Variants in FGF12 observed in about 807,000 individuals in gnomAD.
The protein encoded by FGF12 is fibroblast growth factor 12B.
A neutral mutation model predicts 23.6 loss-of-function variants in FGF12; 14 were observed. That is an observed-to-expected ratio of 0.59 (90% CI 0.39 to 0.93). The LOEUF (loss-of-function observed/expected upper bound fraction) is 0.93. FGF12 is among the 40% of genes least tolerant of loss of function. The pLI, the probability that FGF12 is intolerant of heterozygous loss-of-function variation, is 0.00. For synonymous variants in FGF12, 62 were observed against 77.3 expected (o/e 0.80, Z 1.04); for missense variants, 175 against 217.8 (o/e 0.80, Z 1.24).
At chr3:192,550,890 A>G (rs1477273521) in intron 2 of FGF12, among the ~76,000 whole-genome samples, 1 of 152,208 alleles carries the variant, frequency 6.6e-6, no homozygotes, top group Admixed American at 6.5e-5. Flanking sequence ...CTTTACAAAA[A>G]GCAAAATTAT....
At chr3:192,726,880 A>G in intron 2 of FGF12, 1 of 474,220 alleles carries the variant, frequency 2.1e-6, no homozygotes, top group South Asian at 4.1e-5. Context: ...ATATTGCTTT[A>G]CTAACACATA....
chr3:192,317,382 A>T (rs1560066946), intron 4 of FGF12, among the ~76,000 whole-genome samples: 1 of 151,870 alleles, frequency 6.6e-6, no homozygotes, highest in East Asian at 1.9e-4. Context: ...AGCCCTGGCA[A>T]CGTTCACCAC....
chr3:192,335,290 G>C, intron 4 of FGF12, 71 bp downstream of exon 4: 2 of 977,324 alleles, frequency 2.0e-6, no homozygotes, highest in East Asian at 2.5e-5. Context: ...TGCCTAACAT[G>C]ATGGTTACTC....
chr3:192,598,688 A>G (rs1389913543), intron 2 of FGF12, among the ~76,000 whole-genome samples: 2 of 152,212 alleles, frequency 1.3e-5, no homozygotes, highest in Admixed American at 6.6e-5. Context: ...ATAACCCTAG[A>G]GCACATGGCA....
At chr3:192,407,512 G>T in intron 2 of FGF12, among the ~76,000 whole-genome samples, 1 of 152,200 alleles carries the variant, frequency 6.6e-6, no homozygotes, top group East Asian at 1.9e-4. Flanking sequence ...TGGAGGAAGA[G>T]TTGGAAAAAT....
At chr3:192,300,143 A>C (rs1715258689) in intron 4 of FGF12, among the ~76,000 whole-genome samples, 1 of 152,170 alleles carries the variant, frequency 6.6e-6, no homozygotes, top group African/African-American at 2.4e-5. Context: ...TCAGGAAGAC[A>C]CTGGTATCGC....
At chr3:192,163,149 T>C (rs1714972321) in intron 5 of FGF12, among the ~76,000 whole-genome samples, 1 of 152,142 alleles carries the variant, frequency 6.6e-6, no homozygotes, top group African/African-American at 2.4e-5. Flanking sequence ...GCCTATGGAG[T>C]AGCCATTCTT....
intron 2 of FGF12, among the ~76,000 whole-genome samples, chr3:192,464,230 C>A (rs1027986568): frequency 6.6e-6 from 1 of 152,052 alleles, no homozygotes; most frequent in African/African-American, 2.4e-5. Context: ...ATTTGGTGCA[C>A]CCATCACCCA....
chr3:192,141,700 A>T lies in FGF12; in HGVS notation c.*2309T>A, dbSNP rs905897062. 10 of 152,020 alleles carry T rather than the reference A, an allele frequency of 6.6e-5. No homozygotes were observed. Among genetic ancestry groups the T allele is most frequent in the African/African-American group, 1.7e-4 (7 of 41,432 alleles). 9.4% of individuals were successfully genotyped at this position (152,020 alleles called of 1,614,324 possible). ...GATTCATATCTCTATTTTTTTCATA[A>T]CAAACTTAATTAAATATATTTTGTC... On this transcript the variant is annotated 3_prime_UTR_variant, in exon 6 of 6. Coordinates refer to ENST00000445105, the MANE Select transcript of FGF12 (RefSeq NM_004113.6).
At chr3:192,442,538 T>G (rs1722230363) in intron 2 of FGF12, among the ~76,000 whole-genome samples, 1 of 152,220 alleles carries the variant, frequency 6.6e-6, no homozygotes, top group Non-Finnish European at 1.5e-5. Flanking sequence ...AAGTTACAGA[T>G]GTACTGTCTA....
intron 4 of FGF12, among the ~76,000 whole-genome samples, chr3:192,212,643 A>C (rs1007460753): frequency 6.6e-6 from 1 of 152,212 alleles, no homozygotes; most frequent in African/African-American, 2.4e-5. Context: ...GGTCACATTT[A>C]ATATAAACCT....
intron 2 of FGF12, among the ~76,000 whole-genome samples, chr3:192,452,197 A>AT (rs1211226444): frequency 1.3e-5 from 2 of 151,980 alleles, no homozygotes; most frequent in Non-Finnish European, 2.9e-5. Flanking sequence ...TTGCTAGGAG[A>AT]TTTTTTTGTG....
chr3:192,603,900 C>G (rs1290765453), intron 2 of FGF12, among the ~76,000 whole-genome samples: 1 of 152,068 alleles, frequency 6.6e-6, no homozygotes, highest in Non-Finnish European at 1.5e-5. Flanking sequence ...GGATGGAGTT[C>G]CCCAATCCTA....
chr3:192,631,488 G>T (rs1212043929), intron 2 of FGF12, among the ~76,000 whole-genome samples: 2 of 152,196 alleles, frequency 1.3e-5, no homozygotes, highest in African/African-American at 4.8e-5. Context: ...GCCACACCTG[G>T]ATAATTTTCC....
intron 2 of FGF12, among the ~76,000 whole-genome samples, chr3:192,508,788 A>T (rs1724387486): frequency 6.6e-6 from 1 of 152,196 alleles, no homozygotes; most frequent in Non-Finnish European, 1.5e-5. Context: ...CTCATCTGTC[A>T]TACCCCAGCA....
intron 4 of FGF12, among the ~76,000 whole-genome samples, chr3:192,207,300 C>T (rs1001498492): frequency 1.3e-5 from 2 of 152,150 alleles, no homozygotes; most frequent in Non-Finnish European, 2.9e-5. Context: ...GCCTCCTAAA[C>T]TTAAAGGCCA....
chr3:192,315,985 C>T (rs911777922), intron 4 of FGF12, among the ~76,000 whole-genome samples: 77 of 152,184 alleles, frequency 5.1e-4, no homozygotes, highest in African/African-American at 1.8e-3. Context: ...ATTATTGGCT[C>T]AGGTAACTGA....
intron 2 of FGF12, among the ~76,000 whole-genome samples, chr3:192,703,306 TA>T (rs1718361764): frequency 6.6e-6 from 1 of 152,240 alleles, no homozygotes; most frequent in Admixed American, 6.5e-5. Flanking sequence ...CTATTAAGTG[TA>T]TAAGAGCATT....
At chr3:192,412,705 T>C (rs1326395678) in intron 2 of FGF12, among the ~76,000 whole-genome samples, 1 of 152,218 alleles carries the variant, frequency 6.6e-6, no homozygotes, top group Non-Finnish European at 1.5e-5. Flanking sequence ...TCAGAAGCAA[T>C]GCTTAAATCA....
Sources: allele counts gnomAD v4.1 joint callset (sites outside exome capture counted in the v4.1 genomes callset), GRCh38; gene constraint gnomAD v4.1.1; transcripts MANE v1.5; gene names NCBI Gene and HGNC (gene_info 2026-07-23, HGNC 2026-07-21).